SV2C: variants seen among roughly 807,000 people sequenced by gnomAD.
SV2C encodes the protein synaptic vesicle glycoprotein 2C, also known as solute carrier family 22 member B3.
A neutral mutation model predicts 79.7 loss-of-function variants in SV2C; 49 were observed. The observed-to-expected ratio is 0.61, with a 90% CI of 0.49 to 0.78. SV2C has a LOEUF of 0.78. Among genes scored for constraint, SV2C ranks in the 30% least tolerant of loss-of-function variants. The pLI is 0.00. For missense variants in SV2C, 833 were observed against 912.9 expected (o/e 0.91, Z 1.13); for synonymous variants, 334 against 333.2 (o/e 1.00, Z -0.03).
At chr5:76,173,940 A>T (rs369568234) in intron 2 of SV2C, 1 of 1,572,378 alleles carries the variant, frequency 6.4e-7, no homozygotes, top group Non-Finnish European at 8.8e-7. Flanking sequence ...GTGATGGAAT[A>T]AACTAATGCA....
the SV2C span, among the ~76,000 whole-genome samples, chr5:76,054,677 A>G: frequency 6.6e-6 from 1 of 152,128 alleles, no homozygotes; most frequent in Non-Finnish European, 1.5e-5. Flanking sequence ...CTTTTTAATA[A>G]TTGACATTCT....
At chr5:76,059,293 A>G in the SV2C span, among the ~76,000 whole-genome samples, 1 of 152,052 alleles carries the variant, frequency 6.6e-6, no homozygotes, top group Admixed American at 6.6e-5. Context: ...TCTTCCTTTC[A>G]CAAAGGATTT....
chr5:76,336,057 CCCCCA>C (rs1365100304), downstream of SV2C, among the ~76,000 whole-genome samples: 259 of 64,384 alleles, frequency 4.0e-3, 2 homozygotes, highest in African/African-American at 9.9e-3. Context: ...GGGGCTGACC[CCCCCA>C]CCTCCCTCCC....
At chr5:76,324,970 C>T (rs1485495542) in intron 12 of SV2C, among the ~76,000 whole-genome samples, 1 of 152,176 alleles carries the variant, frequency 6.6e-6, no homozygotes, top group Non-Finnish European at 1.5e-5. Flanking sequence ...CTGCAGTGAA[C>T]TATTACTATG....
chr5:76,260,024 T>G (rs1206544501), intron 4 of SV2C, among the ~76,000 whole-genome samples: 1 of 152,224 alleles, frequency 6.6e-6, no homozygotes, highest in African/African-American at 2.4e-5. Flanking sequence ...GTTGCCACAC[T>G]GCTTCCACAA....
intron 4 of SV2C, among the ~76,000 whole-genome samples, chr5:76,284,779 T>G (rs774431210): frequency 6.6e-6 from 1 of 152,190 alleles, no homozygotes; most frequent in Non-Finnish European, 1.5e-5. Context: ...GTTGATGCAG[T>G]CCACAGAGGG....
intron 4 of SV2C, among the ~76,000 whole-genome samples, chr5:76,218,631 C>T (rs949799353): frequency 7.2e-5 from 11 of 152,154 alleles, no homozygotes; most frequent in African/African-American, 2.7e-4. Context: ...GGAGGGAGAG[C>T]ATTAGGACCT....
At chr5:75,998,986 T>C in the SV2C span, among the ~76,000 whole-genome samples, 2 of 152,138 alleles carry the variant, frequency 1.3e-5, no homozygotes, top group Non-Finnish European at 2.9e-5. Context: ...CAATTCCACT[T>C]GGCTGGGGAA....
intron 1 of SV2C, among the ~76,000 whole-genome samples, chr5:76,119,536 C>T (rs907756842): frequency 1.3e-5 from 2 of 151,916 alleles, no homozygotes; most frequent in Non-Finnish European, 2.9e-5. Context: ...CCACAACTGC[C>T]CTGCATAAAG....
the SV2C span, among the ~76,000 whole-genome samples, chr5:76,000,099 A>C: frequency 6.8e-4 from 104 of 152,274 alleles, 1 homozygote; most frequent in Non-Finnish European, 7.4e-5. Flanking sequence ...GTGGAAGGCC[A>C]TCTATTTTAC....
chr5:76,026,200 A>AC, the SV2C span, among the ~76,000 whole-genome samples: 15 of 126,642 alleles, frequency 1.2e-4, no homozygotes, highest in South Asian at 7.9e-4. Context: ...GCAAATTTAC[A>AC]AACACACACA....
chr5:75,981,424 A>G, the SV2C span, among the ~76,000 whole-genome samples: 4 of 152,202 alleles, frequency 2.6e-5, no homozygotes, highest in Non-Finnish European at 5.9e-5. Context: ...ATCCTAAGCA[A>G]AAAGAACAAA....
chr5:75,900,819 CTTCATTTCA>C, the SV2C span, among the ~76,000 whole-genome samples: 3 of 152,150 alleles, frequency 2.0e-5, no homozygotes, highest in African/African-American at 7.2e-5. Context: ...TCCCTTCTCA[CTTCATTTCA>C]TTCATTTCAT....
chr5:75,883,282 G>A, the SV2C span, among the ~76,000 whole-genome samples: 2 of 136,158 alleles, frequency 1.5e-5, no homozygotes, highest in African/African-American at 3.2e-5. Context: ...AGTCAGTGTG[G>A]CGATTCCTCA....
At chr5:75,882,592 A>G in the SV2C span, among the ~76,000 whole-genome samples, 440 of 151,692 alleles carry the variant, frequency 2.9e-3, 5 homozygotes, top group African/African-American at 9.1e-3. Context: ...CAGAAATAAC[A>G]CCGCATATCT....
intron 12 of SV2C, among the ~76,000 whole-genome samples, chr5:76,313,939 G>A (rs541947983): frequency 2.6e-5 from 4 of 152,308 alleles, no homozygotes; most frequent in Admixed American, 2.0e-4. Flanking sequence ...TCTCTGGCCT[G>A]TTGATTCTTG....
chr5:75,917,492 C>T, the SV2C span, among the ~76,000 whole-genome samples: 2 of 152,198 alleles, frequency 1.3e-5, no homozygotes, highest in African/African-American at 4.8e-5. Context: ...ATATAATAAT[C>T]TATGTAAATC....
chr5:76,040,727 A>G, the SV2C span, among the ~76,000 whole-genome samples: 1 of 152,190 alleles, frequency 6.6e-6, no homozygotes, highest in African/African-American at 2.4e-5. Context: ...AGAAGCCTCT[A>G]GTCAGTTGAT....
At chr5:76,343,294 G>A (rs1386700023) in intron 12 of SV2C, among the ~76,000 whole-genome samples, 1 of 152,018 alleles carries the variant, frequency 6.6e-6, no homozygotes, top group Non-Finnish European at 1.5e-5. Flanking sequence ...GTTAGAAAAG[G>A]TATTGACAAT....
Sources: allele counts gnomAD v4.1 joint callset (sites outside exome capture counted in the v4.1 genomes callset), GRCh38; gene constraint gnomAD v4.1.1; transcripts MANE v1.5; gene names NCBI Gene and HGNC (gene_info 2026-07-23, HGNC 2026-07-21).